PRELID2: variants seen among roughly 807,000 people sequenced by gnomAD.
PRELID2 encodes the protein PRELI domain-containing protein 2.
A neutral mutation model predicts 28.4 loss-of-function variants in PRELID2; 25 were observed. The observed-to-expected ratio is 0.88, with a 90% CI of 0.64 to 1.23. The LOEUF (loss-of-function observed/expected upper bound fraction) is 1.23, where lower values mean the gene tolerates loss of function less well. PRELID2 is among the 50% of genes most tolerant of loss of function. PRELID2 has a pLI of 0.00. For synonymous variants in PRELID2, 76 were observed against 71.6 expected (o/e 1.06, Z -0.31); for missense variants, 201 against 214.4 (o/e 0.94, Z 0.39).
chr5:145,402,038 C>G, the PRELID2 span, among the ~76,000 whole-genome samples: 16 of 152,180 alleles, frequency 1.1e-4, no homozygotes, highest in Non-Finnish European at 1.9e-4. Context: ...TTATCTGCTT[C>G]TTCCATGTGA....
chr5:145,263,025 G>A, the PRELID2 span, among the ~76,000 whole-genome samples: 1 of 151,962 alleles, frequency 6.6e-6, no homozygotes, highest in Non-Finnish European at 1.5e-5. Context: ...AACCAAAACA[G>A]AGCAGGAATA....
chr5:145,360,289 C>A, the PRELID2 span, among the ~76,000 whole-genome samples: 7 of 152,288 alleles, frequency 4.6e-5, no homozygotes, highest in Non-Finnish European at 8.8e-5. Flanking sequence ...GAAGGCAGTC[C>A]TGACATTTCT....
chr5:145,600,947 T>G (rs1337354375), intron 1 of PRELID2, among the ~76,000 whole-genome samples: 1 of 151,924 alleles, frequency 6.6e-6, no homozygotes, highest in Non-Finnish European at 1.5e-5. Context: ...AGCCCAGGAG[T>G]TCAAGACCAG....
chr5:145,632,547 C>G (rs372559604), intron 1 of PRELID2, among the ~76,000 whole-genome samples: 16 of 152,166 alleles, frequency 1.1e-4, no homozygotes, highest in African/African-American at 3.9e-4. Flanking sequence ...ACTCTACCTG[C>G]TCAGGGAAAG....
At chr5:145,495,174 T>G (rs1311785297) in intron 1 of PRELID2, among the ~76,000 whole-genome samples, 1 of 152,192 alleles carries the variant, frequency 6.6e-6, no homozygotes, top group Non-Finnish European at 1.5e-5. Flanking sequence ...CATTTCTCAC[T>G]TCTCAACTAA....
At chr5:145,737,186 C>T (rs1756518618) in intron 1 of PRELID2, among the ~76,000 whole-genome samples, 1 of 152,050 alleles carries the variant, frequency 6.6e-6, no homozygotes, top group South Asian at 2.1e-4. Context: ...AAGGAGTTTA[C>T]AGGCAAGCAG....
At chr5:145,343,306 CA>C in the PRELID2 span, among the ~76,000 whole-genome samples, 6 of 151,550 alleles carry the variant, frequency 4.0e-5, no homozygotes, top group African/African-American at 1.5e-4. Context: ...TTTTAAAAAC[CA>C]ATATTATATC....
chr5:145,541,350 T>C (rs78322038), intron 1 of PRELID2, among the ~76,000 whole-genome samples: 1 of 152,064 alleles, frequency 6.6e-6, no homozygotes, highest in Non-Finnish European at 1.5e-5. Context: ...AACATTATAA[T>C]GTAGGAACTT....
intron 1 of PRELID2, among the ~76,000 whole-genome samples, chr5:145,730,355 C>A (rs1003459480): frequency 2.6e-5 from 4 of 152,096 alleles, no homozygotes. Flanking sequence ...CTACCCCATG[C>A]CCGTAATGTA....
chr5:145,404,904 T>C, the PRELID2 span, among the ~76,000 whole-genome samples: 36 of 152,222 alleles, frequency 2.4e-4, no homozygotes, highest in African/African-American at 8.4e-4. Context: ...TTTCTCTGAA[T>C]TGGCTCTGGG....
chr5:145,661,368 C>T (rs545226620), intron 1 of PRELID2, among the ~76,000 whole-genome samples: 143 of 152,046 alleles, frequency 9.4e-4, no homozygotes, highest in Non-Finnish European at 1.8e-3. Flanking sequence ...CAACTCTGTG[C>T]GGCATTGCAT....
intron 1 of PRELID2, among the ~76,000 whole-genome samples, chr5:145,702,256 A>G (rs1755426882): frequency 6.6e-6 from 1 of 152,194 alleles, no homozygotes; most frequent in African/African-American, 2.4e-5. Flanking sequence ...ATGGTGTTCA[A>G]GCACCACTAC....
chr5:145,667,698 A>G (rs1482529410), intron 1 of PRELID2, among the ~76,000 whole-genome samples: 1 of 152,050 alleles, frequency 6.6e-6, no homozygotes, highest in Non-Finnish European at 1.5e-5. Flanking sequence ...CTACCTGCTA[A>G]CCAGTCACTT....
At chr5:145,410,534 A>G in the PRELID2 span, among the ~76,000 whole-genome samples, 3 of 152,194 alleles carry the variant, frequency 2.0e-5, no homozygotes, top group African/African-American at 7.2e-5. Context: ...ACTTACAATC[A>G]TGGCAGAAAG....
At chr5:145,422,433 T>C in the PRELID2 span, among the ~76,000 whole-genome samples, 182 of 152,350 alleles carry the variant, frequency 1.2e-3, 1 homozygote, top group African/African-American at 4.1e-3. Flanking sequence ...TGGGTGCATA[T>C]ATTTTTAGGA....
At chr5:145,586,980 C>T (rs778102764) in intron 1 of PRELID2, among the ~76,000 whole-genome samples, 2 of 152,098 alleles carry the variant, frequency 1.3e-5, no homozygotes, top group East Asian at 1.9e-4. Context: ...TATACACACA[C>T]GCACACACAC....
the PRELID2 span, among the ~76,000 whole-genome samples, chr5:145,424,801 C>T: frequency 6.6e-6 from 1 of 152,156 alleles, no homozygotes; most frequent in African/African-American, 2.4e-5. Context: ...ATGTAAAACC[C>T]AAAACTATAA....
intron 1 of PRELID2, among the ~76,000 whole-genome samples, chr5:145,711,004 T>A (rs1476723459): frequency 6.6e-6 from 1 of 152,184 alleles, no homozygotes; most frequent in African/African-American, 2.4e-5. Flanking sequence ...ACACATACCA[T>A]GAAGCTATAC....
intron 1 of PRELID2, among the ~76,000 whole-genome samples, chr5:145,584,152 G>T (rs1365257812): frequency 6.6e-6 from 1 of 152,090 alleles, no homozygotes; most frequent in African/African-American, 2.4e-5. Context: ...ACAACCATCT[G>T]ATCTTTGGCA....
Sources: allele counts gnomAD v4.1 joint callset (sites outside exome capture counted in the v4.1 genomes callset), GRCh38; gene constraint gnomAD v4.1.1; transcripts MANE v1.5; gene names NCBI Gene and HGNC (gene_info 2026-07-23, HGNC 2026-07-21).